KCNT1: variants seen among roughly 807,000 people sequenced by gnomAD.
The protein encoded by KCNT1 is potassium channel subfamily T member 1.
KCNT1 carries 78 observed loss-of-function variants against 147.8 expected under a neutral mutation model. The ratio of observed to expected loss-of-function variants is 0.53; its 90% CI spans 0.44 to 0.64. KCNT1 has a LOEUF of 0.64. KCNT1 is among the 30% of genes least tolerant of loss of function. The pLI, the probability that KCNT1 is intolerant of heterozygous loss-of-function variation, is 0.00. For synonymous variants in KCNT1, 867 were observed against 748.8 expected (o/e 1.16, Z -2.58); for missense variants, 1,419 against 1,750.3 (o/e 0.81, Z 3.38).
intron 24 of KCNT1, among the ~76,000 whole-genome samples, chr9:135,783,134 G>A (rs1375887872): frequency 2.0e-5 from 3 of 152,216 alleles, no homozygotes; most frequent in Admixed American, 6.5e-5. Context: ...AGTTGGCCAC[G>A]GCCGGGTCCG....
intron 5 of KCNT1, 122 bp from the exon 6 acceptor site, chr9:135,754,999 C>A: frequency 1.2e-6 from 1 of 822,950 alleles, no homozygotes. Flanking sequence ...TTTGGTCCAG[C>A]CCCAATGAGC....
chr9:135,757,179 C>A lies in KCNT1; in HGVS notation c.624C>A (p.Phe208Leu). The change falls in exon 8 of 31, where the codon TTC becomes TTA. Residue 208 changes from phenylalanine to leucine, a missense_variant. Around this residue, in one of 5 missense-constraint regions of KCNT1, gnomAD observed 401 missense variants for 610.6 expected, o/e 0.66. Coordinates refer to ENST00000371757, the MANE Select transcript of KCNT1 (RefSeq NM_020822.3). ...AGGGCAACATCTGGGAGCAGATCTT[C>A]CGCGTGTCCTTCGTCCTGGAGATGA... is the stretch of plus-strand genomic sequence containing the variant. Reference protein sequence around the residue: ...SYKGNIWEQIFRVSFVLEMIN... With the variant: ...SYKGNIWEQILRVSFVLEMIN... The A allele has an allele frequency of 1.3e-6, 2 of 1,535,624 alleles. No homozygotes were observed. Among genetic ancestry groups the A allele is most frequent in the South Asian group, 2.2e-5 (2 of 89,840 alleles).
rs1380906864 is a variant in KCNT1 at position 135,784,472 on chromosome 9, C to G, written c.2944-63C>G. The G allele has an allele frequency of 2.7e-6, 3 of 1,128,820 alleles. No homozygotes were observed. In the African/African-American group the frequency reaches 4.7e-5, roughly 18 times the overall value. 69.9% of individuals were successfully genotyped at this position (1,128,820 alleles called of 1,614,324 possible). ...TGTGTCCCACGCCCGTGCCCGCGTG[C>G]CTCACTGTGGCTCCCTCCCTCCCTC... On this transcript the variant is annotated intron_variant, in intron 25 of 30. Transcript: ENST00000371757.
intron 2 of KCNT1, among the ~76,000 whole-genome samples, chr9:135,716,424 C>T (rs2131333073): frequency 6.6e-6 from 1 of 152,300 alleles, no homozygotes; most frequent in South Asian, 2.1e-4. Flanking sequence ...TGGGATTTCA[C>T]AATGAGTCCC....
intron 2 of KCNT1, among the ~76,000 whole-genome samples, chr9:135,746,415 CAA>C (rs1361451602): frequency 6.6e-6 from 1 of 152,198 alleles, no homozygotes; most frequent in Non-Finnish European, 1.5e-5. Flanking sequence ...CAAGGGGCCT[CAA>C]AGAGAAGCTG....
intron 29 of KCNT1, among the ~76,000 whole-genome samples, chr9:135,788,705 G>A (rs928998283): frequency 1.3e-5 from 2 of 152,202 alleles, no homozygotes; most frequent in Admixed American, 6.5e-5. Context: ...CCCAGGCCAG[G>A]TGGATGGTGA....
At position 135,786,338 on chromosome 9, in the gene KCNT1, CGCA is replaced by C; in HGVS notation, c.3320_3322del (p.Arg1107_Lys1108delinsGln). 6.3e-7 allele frequency: 1 copy of C among 1,593,130 alleles called. No individual in the cohort carries two copies. The highest frequency in any genetic ancestry group is 8.5e-7 in the Non-Finnish European group (1 of 1,171,218). On this transcript the variant is annotated inframe_deletion, in exon 29 of 31. Coordinates refer to ENST00000371757, the MANE Select transcript of KCNT1 (RefSeq NM_020822.3). ...CCCCGCAGAGCACCCACTGCTACGG[CGCA>C]AGAGCCTGCAGTGGGCCCGGAGGCT...
intron 29 of KCNT1, chr9:135,788,218 A>C (rs1588413054): frequency 4.2e-6 from 6 of 1,430,458 alleles, no homozygotes. Context: ...CCAACCCTTC[A>C]CCGCCGGCAG....
chr9:135,755,023 G>A (rs751027805), intron 5 of KCNT1, 98 bp from the exon 6 acceptor site: 67 of 1,096,762 alleles, frequency 6.1e-5, no homozygotes, highest in Non-Finnish European at 7.9e-5. Flanking sequence ...ACATGCTTGG[G>A]GCCAGTGGAG....
intron 7 of KCNT1, 70 bp from the exon 8 acceptor site, chr9:135,757,077 TTCCCCACCC>T: frequency 1.1e-6 from 1 of 946,246 alleles, no homozygotes; most frequent in Non-Finnish European, 1.6e-6. Flanking sequence ...CCTCGCCCTC[TTCCCCACCC>T]TGCCCCTCCC....
intron 1 of KCNT1, among the ~76,000 whole-genome samples, chr9:135,706,931 C>T (rs1835280016): frequency 6.6e-6 from 1 of 151,982 alleles, no homozygotes; most frequent in South Asian, 2.1e-4. Context: ...TAAAGTGGCC[C>T]AGCCCTCCCA....
In KCNT1 at chr9:135,771,024, G is replaced by A. The variant is rs766030025; in HGVS notation, c.1937G>A (p.Arg646Lys). Residue 646 changes from arginine to lysine, a missense_variant, in exon 18 of 31, where the codon AGG becomes AAG. By Grantham distance (26) the Arg-to-Lys change is conservative. Transcript: ENST00000371757. ...AAGCAGGAGGAGAAGCGGAAGAAGA[G>A]GGCCTTCTCGGGGCAGGGGCTGCAC... The part of the protein sequence containing the change: ...IFKQEEKRKK[R>K]AFSGQGLHEG... The A allele has an allele frequency of 4.3e-6, 7 of 1,613,328 alleles. No homozygotes were observed. Among genetic ancestry groups the A allele is most frequent in the African/African-American group, 1.3e-5 (1 of 74,930 alleles).
At chr9:135,759,629 G>T (rs952793516) in intron 10 of KCNT1, 50 bp from the exon 11 acceptor site, 8 of 1,540,848 alleles carry the variant, frequency 5.2e-6, no homozygotes, top group Middle Eastern at 1.8e-4. Context: ...AGGGGCCACG[G>T]CCCCCCAGCT....
chr9:135,737,521 C>T (rs7854975), intron 2 of KCNT1, among the ~76,000 whole-genome samples: 3,456 of 152,250 alleles, frequency 0.023, 126 homozygotes, highest in African/African-American at 0.079. Flanking sequence ...GGGCACATGT[C>T]GTGGGCACGG....
intron 2 of KCNT1, among the ~76,000 whole-genome samples, chr9:135,727,157 C>CCTCCCT (rs1490761034): frequency 6.3e-5 from 1 of 15,752 alleles, no homozygotes; most frequent in African/African-American, 2.4e-4. Context: ...TCTCTCCCCC[C>CCTCCCT]CTCCCTCCCC....
Position 135,762,514 on chromosome 9 carries a change from G to T in KCNT1, c.1036-2517G>T, listed in dbSNP as rs182614599. ...TGTAATCCCAGCACTTTGGAGGGCCGAGGTGGGTAGATCACTTGAGATCCG... is the reference window on the plus strand; with the variant it reads ...TGTAATCCCAGCACTTTGGAGGGCCTAGGTGGGTAGATCACTTGAGATCCG... On this transcript the variant is annotated intron_variant, in intron 11 of 30. Transcript: ENST00000371757. 1.6e-4 allele frequency among the ~76,000 whole-genome samples: 25 copies of T among 152,222 alleles called. No homozygotes were observed. In the South Asian group the frequency reaches 4.4e-3, roughly 27 times the overall value.
chr9:135,757,333 C>T lies in KCNT1; in HGVS notation c.711C>T (p.Pro237=), dbSNP rs117286274. Residue 237 remains proline, a synonymous_variant, in exon 9 of 31, where the codon CCC becomes CCT. Coordinates refer to ENST00000371757, the MANE Select transcript of KCNT1 (RefSeq NM_020822.3). ...FWPPLRNLFI[P]VFLNCWLAKH... ...CGCCGCTGCGGAACCTGTTCATCCC[C>T]GTCTTTCTGAACTGCTGGCTGGCCA... The T allele has an allele frequency of 7.4e-5, 120 of 1,611,626 alleles. 1 individual carries two copies. The highest frequency in any genetic ancestry group is 1.6e-4 in the Middle Eastern group (1 of 6,084).
rs1188857264 is a variant in KCNT1, at chr9:135,792,149, G to C, written c.3696G>C (p.Glu1232Asp). 3.1e-6 allele frequency: 5 copies of C among 1,605,796 alleles called. No individual in the cohort carries two copies. The highest frequency in any genetic ancestry group is 2.2e-5 in the East Asian group (1 of 44,818). Residue 1232 changes from glutamate (E) to aspartate (D), a missense_variant, in exon 31 of 31, where the codon GAG becomes GAC. Glu to Asp is a conservative substitution (Grantham distance 45). Transcript: ENST00000371757. Reference sequence around the variant, plus strand: ...CCTGCAACCCCGAGACTCGCGACGAGACACAGCTCTGAGCCAGCCCTGCAC... The same window carrying C: ...CCTGCAACCCCGAGACTCGCGACGACACACAGCTCTGAGCCAGCCCTGCAC... ...LSSCNPETRDETQL is the reference protein window; with the variant it reads ...LSSCNPETRDDTQL
intron 1 of KCNT1, among the ~76,000 whole-genome samples, chr9:135,710,275 G>A (rs1022078137): frequency 1.8e-4 from 28 of 152,144 alleles, no homozygotes; most frequent in South Asian, 2.1e-4. Context: ...GGCTGCAGAT[G>A]GGGTCTAATC....
Sources: gnomAD v4.1 joint callset for allele counts (sites outside exome capture counted in the v4.1 genomes callset) on GRCh38, gnomAD v4.1.1 for gene constraint, gnomAD v4.1.1 regional missense constraint, MANE v1.5 for transcripts, NCBI Gene and HGNC (gene_info 2026-07-23, HGNC 2026-07-21) for gene names.